Variants in DCAF6 observed in about 807,000 individuals in gnomAD.
DCAF6 encodes DDB1 and CUL4 associated factor 6.
A neutral mutation model predicts 125.1 loss-of-function variants in DCAF6; 54 were observed. The ratio of observed to expected loss-of-function variants is 0.43; its 90% CI spans 0.35 to 0.54. DCAF6 has a LOEUF of 0.54. Among genes scored for constraint, DCAF6 ranks in the 20% least tolerant of loss-of-function variants. The pLI is 0.01. For synonymous variants in DCAF6, 371 were observed against 390.4 expected (o/e 0.95, Z 0.58); for missense variants, 934 against 1,161.7 (o/e 0.80, Z 2.85).
At chr1:168,012,329 A>G (rs1684417390) in intron 10 of DCAF6, among the ~76,000 whole-genome samples, 1 of 152,242 alleles carries the variant, frequency 6.6e-6, no homozygotes, top group Non-Finnish European at 1.5e-5. Context: ...TTAAGTCATT[A>G]GGAGAATAAC....
At chr1:167,960,744 A>G in intron 2 of DCAF6, among the ~76,000 whole-genome samples, 1 of 152,304 alleles carries the variant, frequency 6.6e-6, no homozygotes, top group East Asian at 1.9e-4. Context: ...GGCCTCAAAT[A>G]TGGTCTGTCT....
chr1:168,000,359 G>A (rs77831531), intron 7 of DCAF6, among the ~76,000 whole-genome samples: 4 of 152,090 alleles, frequency 2.6e-5, no homozygotes, highest in Non-Finnish European at 5.9e-5. Context: ...CATAAAATGA[G>A]CACATGCTAT....
intron 11 of DCAF6, among the ~76,000 whole-genome samples, chr1:168,017,868 T>C (rs545548127): frequency 1.3e-4 from 20 of 152,280 alleles, no homozygotes; most frequent in South Asian, 6.2e-4. Flanking sequence ...CTTCATACTT[T>C]GGTATCTTTA....
the DCAF6 span, among the ~76,000 whole-genome samples, chr1:167,868,295 T>C: frequency 6.6e-6 from 1 of 152,102 alleles, no homozygotes; most frequent in African/African-American, 2.4e-5. Flanking sequence ...ACAGACCCAG[T>C]TCCTGATGAA....
rs141279187 is a variant in DCAF6 at position 167,963,057 on chromosome 1, C to T, written c.160-3572C>T. Among the ~76,000 whole-genome samples the T allele has an allele frequency of 2.2e-3, 327 of 152,042 alleles. 2 individuals are homozygous for T. Among genetic ancestry groups the T allele is most frequent in the African/African-American group, 7.2e-3 (298 of 41,470 alleles). On this transcript the variant is annotated intron_variant, in intron 2 of 21. Coordinates refer to ENST00000367840, the MANE Select transcript of DCAF6 (RefSeq NM_001198956.2). ...GGTGGATCACCTGAGGTCTGGAGTT[C>T]GAGACCAGCCTGGGCAACATGGTGA... is the stretch of plus-strand genomic sequence containing the variant.
At chr1:168,033,093 T>C (rs1423773933) in intron 12 of DCAF6, among the ~76,000 whole-genome samples, 6 of 152,162 alleles carry the variant, frequency 3.9e-5, no homozygotes, top group African/African-American at 1.4e-4. Context: ...AATTTCGTAG[T>C]GGAAATGTAC....
intron 2 of DCAF6, among the ~76,000 whole-genome samples, chr1:167,954,346 T>C (rs1429534632): frequency 2.0e-5 from 3 of 152,236 alleles, no homozygotes; most frequent in African/African-American, 7.2e-5. Context: ...TCACTTCAGC[T>C]GGTAAGACTG....
chr1:168,072,700 G>C (rs1693267838), intron 21 of DCAF6, among the ~76,000 whole-genome samples: 1 of 152,068 alleles, frequency 6.6e-6, no homozygotes, highest in Admixed American at 6.6e-5. Flanking sequence ...CAATGAATTT[G>C]TATTATTTCT....
intron 21 of DCAF6, among the ~76,000 whole-genome samples, chr1:168,073,133 G>A (rs1239359542): frequency 1.3e-5 from 2 of 151,824 alleles, no homozygotes; most frequent in African/African-American, 4.8e-5. Flanking sequence ...CCAAGATCGC[G>A]CCACTGCACT....
the DCAF6 span, among the ~76,000 whole-genome samples, chr1:167,888,631 C>T: frequency 6.6e-6 from 1 of 152,058 alleles, no homozygotes; most frequent in Non-Finnish European, 1.5e-5. Flanking sequence ...AATCCCAGCA[C>T]TTTGGGAGGC....
At chr1:168,056,804 A>G (rs988953145) in intron 17 of DCAF6, among the ~76,000 whole-genome samples, 6 of 152,262 alleles carry the variant, frequency 3.9e-5, no homozygotes, top group African/African-American at 1.4e-4. Flanking sequence ...CCCAAGTTTT[A>G]GAAATGCTCT....
At chr1:167,940,022 T>A (rs1353225943) in intron 1 of DCAF6, among the ~76,000 whole-genome samples, 1 of 152,178 alleles carries the variant, frequency 6.6e-6, no homozygotes, top group Non-Finnish European at 1.5e-5. Flanking sequence ...AATAGATAAA[T>A]TTTTCTTGTA....
intron 12 of DCAF6, among the ~76,000 whole-genome samples, chr1:168,031,412 T>G (rs1210188523): frequency 6.6e-6 from 1 of 152,104 alleles, no homozygotes; most frequent in Admixed American, 6.5e-5. Context: ...TCCAAAAAAA[T>G]TATCCCCTAA....
At chr1:168,034,432 G>T (rs565798162) in intron 12 of DCAF6, among the ~76,000 whole-genome samples, 10 of 152,126 alleles carry the variant, frequency 6.6e-5, no homozygotes, top group Non-Finnish European at 1.3e-4. Flanking sequence ...ATTCACTTGA[G>T]CCCAGAAGTT....
intron 11 of DCAF6, among the ~76,000 whole-genome samples, chr1:168,020,402 T>C (rs895555673): frequency 2.0e-5 from 3 of 152,180 alleles, no homozygotes; most frequent in African/African-American, 7.2e-5. Flanking sequence ...ATAATTCTGG[T>C]GTCAAGGGGC....
intron 4 of DCAF6, among the ~76,000 whole-genome samples, chr1:167,979,243 A>G (rs1678725152): frequency 6.6e-6 from 1 of 152,212 alleles, no homozygotes; most frequent in Non-Finnish European, 1.5e-5. Context: ...CACACAAACA[A>G]AAGAAAGACC....
chr1:168,062,441 C>T (rs192922073), intron 17 of DCAF6, among the ~76,000 whole-genome samples: 9 of 152,006 alleles, frequency 5.9e-5, no homozygotes, highest in Non-Finnish European at 8.8e-5. Context: ...GTGTAAAAAC[C>T]GCTTTCAAAC....
chr1:167,980,344 G>C (rs1678910033), intron 4 of DCAF6, among the ~76,000 whole-genome samples: 1 of 148,916 alleles, frequency 6.7e-6, no homozygotes, highest in Non-Finnish European at 1.5e-5. Context: ...CCCAGAAGTA[G>C]AGATTGCTGG....
the DCAF6 span, among the ~76,000 whole-genome samples, chr1:167,925,442 C>CACATATATATATATAT: frequency 3.6e-5 from 3 of 82,478 alleles, no homozygotes; most frequent in Admixed American, 1.3e-4. Context: ...TACATATACA[C>CACATATATATATATAT]ATATATATAT....
Sources: gnomAD v4.1 joint callset for allele counts (sites outside exome capture counted in the v4.1 genomes callset) on GRCh38, gnomAD v4.1.1 for gene constraint, MANE v1.5 for transcripts, NCBI Gene and HGNC (gene_info 2026-07-23, HGNC 2026-07-21) for gene names.